Variants in ZNF185 observed in about 807,000 individuals in gnomAD.
ZNF185 encodes the protein zinc finger protein 185.
A neutral mutation model predicts 58.6 loss-of-function variants in ZNF185; 56 were observed. The ratio of observed to expected loss-of-function variants is 0.95; its 90% CI spans 0.77 to 1.19. ZNF185 has a LOEUF of 1.19. Ranked by LOEUF, ZNF185 falls within the 50% of genes most tolerant of loss-of-function variation. ZNF185 has a pLI of 0.00. For missense variants in ZNF185, 627 were observed against 573.5 expected (o/e 1.09, Z -0.95); for synonymous variants, 230 against 215.9 (o/e 1.07, Z -0.57).
chrX:152,960,903 C>T (rs1556909760), intron 17 of ZNF185, among the ~76,000 whole-genome samples: 1 of 112,045 alleles, frequency 8.9e-6, no homozygotes, highest in Non-Finnish European at 1.9e-5. Context: ...AACTTCATCT[C>T]CCTCTCTGTG....
chrX:152,941,670 C>T, intron 15 of ZNF185: 2 of 1,162,066 alleles, frequency 1.7e-6, no homozygotes, highest in Non-Finnish European at 2.3e-6. Flanking sequence ...AACTCGGTCG[C>T]AGTGCCCGCC....
At chrX:152,937,491 C>T (rs1411278727) in intron 14 of ZNF185, among the ~76,000 whole-genome samples, 2 of 110,747 alleles carry the variant, frequency 1.8e-5, no homozygotes, top group South Asian at 3.8e-4. Flanking sequence ...TGGCTCCCCT[C>T]TGTCCACCTG....
intron 16 of ZNF185, among the ~76,000 whole-genome samples, chrX:152,950,775 G>A (rs782442319): frequency 8.9e-6 from 1 of 111,972 alleles, no homozygotes; most frequent in South Asian, 3.7e-4. Flanking sequence ...GTTAAGAGTT[G>A]TCAGGAGTTC....
chrX:152,938,218 C>A, intron 15 of ZNF185, 55 bp downstream of exon 17: 2 of 1,106,179 alleles, frequency 1.8e-6, no homozygotes, highest in Non-Finnish European at 2.4e-6. Flanking sequence ...GCAGCTTGGG[C>A]TGTGTGTCCA....
chrX:152,919,507 T>C (rs1239881931), intron 7 of ZNF185, among the ~76,000 whole-genome samples: 2 of 111,281 alleles, frequency 1.8e-5, no homozygotes, highest in Non-Finnish European at 3.8e-5. Context: ...GCTCCAGGCA[T>C]GCACAGCAGT....
chrX:152,943,203 G>T (rs945512403), intron 15 of ZNF185, among the ~76,000 whole-genome samples: 4 of 110,745 alleles, frequency 3.6e-5, no homozygotes, highest in Non-Finnish European at 7.5e-5. Flanking sequence ...GCCATGTTGC[G>T]CAGGCTGGTC....
chrX:152,936,594 C>T (rs2046314308), intron 14 of ZNF185, 81 bp downstream of exon 16: 1 of 884,874 alleles, frequency 1.1e-6, no homozygotes. Flanking sequence ...TGCAGCACCC[C>T]AGGATCCCCC....
the ZNF185 span, among the ~76,000 whole-genome samples, chrX:152,907,987 C>T: frequency 1.8e-5 from 2 of 112,722 alleles, no homozygotes; most frequent in East Asian, 2.8e-4. Flanking sequence ...TCAAGACACC[C>T]GTGTCATGGC....
At chrX:152,906,576 C>T in the ZNF185 span, among the ~76,000 whole-genome samples, 1 of 112,992 alleles carries the variant, frequency 8.9e-6, no homozygotes, top group Non-Finnish European at 1.9e-5. Context: ...TGGGCTGTGT[C>T]CCCCTTCTTG....
In ZNF185 at chrX:152,917,363, G is replaced by T. The variant is rs1569492616; in HGVS notation, c.341+1G>T. 1.7e-6 allele frequency: 2 copies of T among 1,211,515 alleles called. No individual in the cohort carries two copies. Among genetic ancestry groups the T allele is most frequent in the South Asian group, 3.5e-5 (2 of 57,020 alleles). On this transcript the variant is annotated splice_donor_variant, in intron 5 of 22. Coordinates refer to ENST00000449285, the Ensembl canonical transcript of ZNF185. LOFTEE classifies it high-confidence loss of function. ...CCAAGGCCAACGGGACTCCAAAAAG[G>T]TATGTCCATGGGGTGTTGGCCAGTC...
intron 12 of ZNF185, among the ~76,000 whole-genome samples, chrX:152,930,845 A>G (rs1164054459): frequency 9.0e-6 from 1 of 110,768 alleles, no homozygotes; most frequent in Non-Finnish European, 1.9e-5. Flanking sequence ...TAATGATGGG[A>G]CTGTCTCTCC....
At chrX:152,911,751 A>C, upstream of ZNF185, among the ~76,000 whole-genome samples, 1 of 50,837 alleles carries the variant, frequency 2.0e-5, no homozygotes, top group Non-Finnish European at 3.5e-5. Flanking sequence ...CATCCATCCC[A>C]TCCCATCCCA....
intron 13 of ZNF185, among the ~76,000 whole-genome samples, chrX:152,932,015 C>T (rs1942082356): frequency 2.7e-5 from 3 of 112,673 alleles, no homozygotes; most frequent in South Asian, 3.6e-4. Context: ...GCCATGATTC[C>T]TCAGGGAGCC....
the ZNF185 span, among the ~76,000 whole-genome samples, chrX:152,904,212 C>A: frequency 2.0e-4 from 22 of 112,223 alleles, no homozygotes; most frequent in African/African-American, 6.5e-4. Context: ...GCAAGAGGGG[C>A]CCAGCCTAGG....
At chrX:152,953,249 A>G (rs782023457) in intron 16 of ZNF185, among the ~76,000 whole-genome samples, 18 of 112,117 alleles carry the variant, frequency 1.6e-4, no homozygotes, top group Non-Finnish European at 3.4e-4. Flanking sequence ...GTCCTGCTCA[A>G]CAGAGTCAGG....
chrX:152,937,020 C>T (rs782600938), intron 14 of ZNF185, among the ~76,000 whole-genome samples: 22 of 112,021 alleles, frequency 2.0e-4, no homozygotes, highest in Non-Finnish European at 4.1e-4. Flanking sequence ...AGCGTCTGCC[C>T]TGTTTCACCC....
chrX:152,938,203 G>A lies in ZNF185; in HGVS notation c.1211+40G>A, dbSNP rs373878713. 6.2e-5 allele frequency: 70 copies of A among 1,136,705 alleles called. 1 individual carries two copies. The highest frequency in any genetic ancestry group is 7.2e-5 in the Non-Finnish European group (61 of 846,914). The allele number at this position is 1,136,705 out of a possible 1,213,427, so 93.7% of individuals were successfully genotyped here. A position where few individuals can be genotyped will look rare whatever the true frequency, so the allele number is the denominator to read the frequency against. ...GACAGTGCTGAACTTCTGGGGTGGA[G>A]AGAGGCAGCTTGGGCTGTGTGTCCA... On this transcript the variant is annotated intron_variant, in intron 15 of 22. Coordinates refer to ENST00000449285, the Ensembl canonical transcript of ZNF185.
chrX:152,957,213 G>A (rs965456372), intron 16 of ZNF185, among the ~76,000 whole-genome samples: 20 of 105,342 alleles, frequency 1.9e-4, no homozygotes, highest in Admixed American at 7.3e-4. Context: ...GACTACAGGC[G>A]TGTGCCACCA....
chrX:152,948,111 C>T (rs781863878), intron 16 of ZNF185, among the ~76,000 whole-genome samples: 1 of 111,678 alleles, frequency 9.0e-6, no homozygotes, highest in African/African-American at 3.3e-5. Context: ...GAAAGACTAC[C>T]GTCATGGAAA....
Sources: allele counts gnomAD v4.1 joint callset (sites outside exome capture counted in the v4.1 genomes callset), GRCh38; gene constraint gnomAD v4.1.1; transcripts MANE v1.5; gene names NCBI Gene and HGNC (gene_info 2026-07-23, HGNC 2026-07-21).